The following OR4N2 variants were observed in gnomAD, a reference collection of about 807,000 sequenced individuals.
The protein encoded by OR4N2 is olfactory receptor 4N2.
For missense variants in OR4N2, 307 were observed against 377.6 expected (o/e 0.81, Z 1.55); for synonymous variants, 141 against 140.4 (o/e 1.00, Z -0.03).
chr14:19,814,074 T>C (rs1215854894), intron 1 of OR4N2, among the ~76,000 whole-genome samples: 10 of 152,138 alleles, frequency 6.6e-5, no homozygotes, highest in Non-Finnish European at 1.5e-4. Context: ...AAATCTGTGT[T>C]CTTATTTCAC....
chr14:19,823,136 C>A (rs1438904290), intron 1 of OR4N2, among the ~76,000 whole-genome samples: 2 of 152,222 alleles, frequency 1.3e-5, no homozygotes, highest in East Asian at 1.9e-4. Context: ...ATGTTCTCAG[C>A]CTGATTCACA....
At chr14:19,807,302 TC>T (rs1480483899) in intron 1 of OR4N2, among the ~76,000 whole-genome samples, 1 of 151,870 alleles carries the variant, frequency 6.6e-6, no homozygotes, top group Non-Finnish European at 1.5e-5. Context: ...AATTGGTCCT[TC>T]AAAATAAAAA....
rs1298044072 is a variant in OR4N2 at position 19,830,147 on chromosome 14, C to T, written c.*1775C>T. ...TCCTTTCCCTCACCTATAACATGAA[C>T]TTTGTCCTCCCTATTGGGTGTAACC... On this transcript the variant is annotated 3_prime_UTR_variant, in exon 2 of 2. Coordinates refer to ENST00000557677, the MANE Select transcript of OR4N2 (RefSeq NM_001004723.3). 1.3e-5 allele frequency: 2 copies of T among 152,436 alleles called. No individual in the cohort carries two copies. 9.4% of individuals were successfully genotyped at this position (152,436 alleles called of 1,614,324 possible).
chr14:19,826,677 G>A (rs1879708096), intron 1 of OR4N2, among the ~76,000 whole-genome samples: 1 of 152,212 alleles, frequency 6.6e-6, no homozygotes, highest in Non-Finnish European at 1.5e-5. Context: ...TGTCACACTG[G>A]GAACAGAGAA....
chr14:19,807,271 C>A (rs1460201323), intron 1 of OR4N2, among the ~76,000 whole-genome samples: 1 of 150,912 alleles, frequency 6.6e-6, no homozygotes, highest in Non-Finnish European at 1.5e-5. Flanking sequence ...AAAATACGTA[C>A]AAAAGGTCAG....
At chr14:19,820,902 A>G (rs1879549254) in intron 1 of OR4N2, among the ~76,000 whole-genome samples, 1 of 152,204 alleles carries the variant, frequency 6.6e-6, no homozygotes, top group Non-Finnish European at 1.5e-5. Flanking sequence ...AGACCACTTG[A>G]ATCCCTGGCT....
At chr14:19,806,270 C>T (rs1879162479) in intron 1 of OR4N2, among the ~76,000 whole-genome samples, 1 of 152,134 alleles carries the variant, frequency 6.6e-6, no homozygotes, top group Admixed American at 6.6e-5. Context: ...ACTTAAAAGG[C>T]ATAGAGTGGT....
At chr14:19,805,241 T>A (rs1686564) in intron 1 of OR4N2, among the ~76,000 whole-genome samples, 12,432 of 149,672 alleles carry the variant, frequency 0.083, 97 homozygotes, top group East Asian at 0.18. Context: ...CAATGATTCC[T>A]TACCCATAAT....
At chr14:19,826,901 A>T (rs1879713378) in intron 1 of OR4N2, among the ~76,000 whole-genome samples, 1 of 152,236 alleles carries the variant, frequency 6.6e-6, no homozygotes, top group Non-Finnish European at 1.5e-5. Context: ...GGAGTATAAT[A>T]AGAAGTAAAT....
chr14:19,807,348 A>G (rs1325248016), intron 1 of OR4N2, among the ~76,000 whole-genome samples: 3 of 152,194 alleles, frequency 2.0e-5, no homozygotes, highest in Middle Eastern at 3.4e-3. Flanking sequence ...CTAGATTAAC[A>G]TAGAAAAAAA....
chr14:19,803,906 C>T (rs1341123680), intron 1 of OR4N2, 62 bp downstream of exon 1: 2 of 152,216 alleles, frequency 1.3e-5, no homozygotes, highest in Non-Finnish European at 2.9e-5. Flanking sequence ...TTCAGGGTTT[C>T]AATTTCTTCC....
In OR4N2 at chr14:19,827,658, T is replaced by C; in HGVS notation, c.210T>C (p.Asp70=). Residue 70 remains aspartate, a synonymous_variant, in exon 2 of 2, where the codon GAT becomes GAC. Coordinates refer to ENST00000557677, the MANE Select transcript of OR4N2 (RefSeq NM_001004723.3). ...TTCTGGGCAACTTGGCCTTCCTGGA[T>C]GCATCCTACTCCTTCATTGTGGCTC... The part of the protein sequence containing the change: ...YFFLGNLAFL[D]ASYSFIVAPR... The C allele has an allele frequency of 6.2e-7, 1 of 1,614,202 alleles. No homozygotes were observed. The highest frequency in any genetic ancestry group is 2.2e-5 in the East Asian group (1 of 44,888).
chr14:19,804,604 GT>G (rs1879118387), intron 1 of OR4N2, among the ~76,000 whole-genome samples: 1 of 152,200 alleles, frequency 6.6e-6, no homozygotes, highest in Admixed American at 6.5e-5. Flanking sequence ...GCTGAAAATT[GT>G]TTTATGATCG....
chr14:19,817,788 A>C (rs1425565357), intron 1 of OR4N2, among the ~76,000 whole-genome samples: 1 of 151,948 alleles, frequency 6.6e-6, no homozygotes, highest in African/African-American at 2.4e-5. Flanking sequence ...TTAGGGTGTC[A>C]ATTTTAGATC....
intron 1 of OR4N2, among the ~76,000 whole-genome samples, chr14:19,809,013 A>G (rs1420142516): frequency 6.6e-6 from 1 of 152,224 alleles, no homozygotes; most frequent in Non-Finnish European, 1.5e-5. Flanking sequence ...GAAACAAGCA[A>G]TGGAGAAAAG....
At chr14:19,821,674 A>G (rs1847208133) in intron 1 of OR4N2, among the ~76,000 whole-genome samples, 1 of 152,276 alleles carries the variant, frequency 6.6e-6, no homozygotes, top group South Asian at 2.1e-4. Context: ...TTAGAACTAG[A>G]AAGTAAGTCA....
chr14:19,827,557 A>G lies in OR4N2; in HGVS notation c.109A>G (p.Ile37Val). The G allele has an allele frequency of 6.2e-7, 1 of 1,614,190 alleles. No homozygotes were observed. Among genetic ancestry groups the G allele is most frequent in the Non-Finnish European group, 8.5e-7 (1 of 1,180,014 alleles). ...TGTGCTAGTTTTAATATTCTACTTC[A>G]TCATCCTCCCTGGAAATTTTCTCAT... Reference protein sequence around the residue: ...VFVLVLIFYFIILPGNFLIIF... With the variant: ...VFVLVLIFYFVILPGNFLIIF... The change falls in exon 2 of 2, where the codon ATC becomes GTC. Residue 37 changes from isoleucine to valine, a missense_variant. Transcript: ENST00000557677.
At chr14:19,819,531 T>G (rs1417807800) in intron 1 of OR4N2, among the ~76,000 whole-genome samples, 2 of 152,300 alleles carry the variant, frequency 1.3e-5, no homozygotes, top group East Asian at 3.8e-4. Context: ...GTTTTTCAGC[T>G]CCATCAGGTT....
intron 1 of OR4N2, among the ~76,000 whole-genome samples, chr14:19,814,258 G>C (rs1392978516): frequency 2.0e-5 from 3 of 152,198 alleles, no homozygotes; most frequent in Non-Finnish European, 4.4e-5. Flanking sequence ...TAGTTGAGCA[G>C]AGTGAAAGTG....
Sources: gnomAD v4.1 joint callset for allele counts (sites outside exome capture counted in the v4.1 genomes callset) on GRCh38, gnomAD v4.1.1 for gene constraint, MANE v1.5 for transcripts, NCBI Gene and HGNC (gene_info 2026-07-23, HGNC 2026-07-21) for gene names.